KDM2B: variants seen among roughly 807,000 people sequenced by gnomAD.
The protein encoded by KDM2B is lysine demethylase 2B.
A neutral mutation model predicts 150.0 loss-of-function variants in KDM2B; 26 were observed. The ratio of observed to expected loss-of-function variants is 0.17; its 90% CI spans 0.13 to 0.24. The LOEUF (loss-of-function observed/expected upper bound fraction) is 0.24. Ranked by LOEUF, KDM2B falls within the 10% of genes least tolerant of loss-of-function variation. KDM2B has a pLI of 1.00. For missense variants in KDM2B, 1,265 were observed against 1,816.9 expected (o/e 0.70, Z 5.52); for synonymous variants, 734 against 729.5 (o/e 1.01, Z -0.10).
rs200642027 is a variant in KDM2B at position 121,439,935 on chromosome 12, C to T, written c.3751G>A (p.Val1251Ile). Reference sequence around the variant, plus strand: ...AGCAGGTTGATAGACTGGTCGGTGACGTGGTTACAGTAACTGAGGTGGAGC... The same window carrying T: ...AGCAGGTTGATAGACTGGTCGGTGATGTGGTTACAGTAACTGAGGTGGAGC... ...SKLHLSYCNH[V>I]TDQSINLLTA... Residue 1251 changes from valine (V) to isoleucine (I), a missense_variant, in exon 22 of 23, where the codon GTC becomes ATC. Val to Ile is a conservative substitution (Grantham distance 29). Coordinates refer to ENST00000377071, the MANE Select transcript of KDM2B (RefSeq NM_032590.5). The T allele has an allele frequency of 4.6e-4, 740 of 1,614,042 alleles. No individual in the cohort carries two copies. Among genetic ancestry groups the T allele is most frequent in the Non-Finnish European group, 5.4e-4 (639 of 1,180,028 alleles).
chr12:121,579,742 C>A (rs1465514884), intron 1 of KDM2B: 2 of 1,312,822 alleles, frequency 1.5e-6, no homozygotes, highest in East Asian at 4.0e-5. Flanking sequence ...CCCCCAGATT[C>A]CGGGCGAACC....
chr12:121,547,339 G>A (rs545673053), intron 6 of KDM2B, among the ~76,000 whole-genome samples: 17 of 152,314 alleles, frequency 1.1e-4, no homozygotes, highest in Non-Finnish European at 2.1e-4. Flanking sequence ...GCTTGAAGGG[G>A]AGGAAAACCG....
chr12:121,477,150 T>C (rs1374616912), intron 12 of KDM2B, among the ~76,000 whole-genome samples: 1 of 151,724 alleles, frequency 6.6e-6, no homozygotes, highest in African/African-American at 2.4e-5. Flanking sequence ...GATAGCTGAC[T>C]GCAGATTCTA....
intron 4 of KDM2B, among the ~76,000 whole-genome samples, chr12:121,560,540 T>C (rs1432535705): frequency 1.3e-5 from 2 of 151,866 alleles, no homozygotes; most frequent in Non-Finnish European, 2.9e-5. Context: ...ATTCACTGGG[T>C]TGGGGCATTT....
At chr12:121,426,317 T>C (rs1335779109), downstream of KDM2B, among the ~76,000 whole-genome samples, 1 of 152,132 alleles carries the variant, frequency 6.6e-6, no homozygotes, top group Non-Finnish European at 1.5e-5. Flanking sequence ...AGCCAGATAA[T>C]AGAAATGTCA....
chr12:121,419,252 C>T, the KDM2B span, among the ~76,000 whole-genome samples: 118 of 152,296 alleles, frequency 7.7e-4, no homozygotes, highest in African/African-American at 2.6e-3. Context: ...ACGTGATGTA[C>T]GGCTTCGTAG....
At chr12:121,486,302 T>C (rs1555298911) in intron 12 of KDM2B, among the ~76,000 whole-genome samples, 1 of 148,516 alleles carries the variant, frequency 6.7e-6, no homozygotes, top group African/African-American at 2.5e-5. Flanking sequence ...AGACAGGGTT[T>C]CACCTTGTTG....
chr12:121,416,433 AG>A, the KDM2B span: 1 of 1,202,186 alleles, frequency 8.3e-7, no homozygotes, highest in Non-Finnish European at 1.2e-6. Context: ...TCTTGATTGT[AG>A]GTTATTTTGA....
intron 9 of KDM2B, among the ~76,000 whole-genome samples, chr12:121,517,911 G>A (rs115771628): frequency 0.027 from 4,028 of 151,250 alleles, 166 homozygotes; most frequent in African/African-American, 0.094. Context: ...TTGAGGGGGG[G>A]GATGGAGTTT....
At chr12:121,528,638 G>C in intron 8 of KDM2B, among the ~76,000 whole-genome samples, 1 of 152,114 alleles carries the variant, frequency 6.6e-6, no homozygotes, top group Non-Finnish European at 1.5e-5. Flanking sequence ...AATTCTATCA[G>C]ACATTCAAAG....
intron 11 of KDM2B, among the ~76,000 whole-genome samples, chr12:121,507,801 A>C (rs1885222902): frequency 6.6e-6 from 1 of 151,684 alleles, no homozygotes; most frequent in Non-Finnish European, 1.5e-5. Flanking sequence ...GCTTGAGCTC[A>C]GTAGTTTGAG....
At position 121,520,186 on chromosome 12, in the gene KDM2B, C is replaced by G. The variant is rs1332635536; in HGVS notation, c.1047+799G>C. ...GATTACAGGCAAGAGCCACCGCGCC[C>G]GGCCCCAAGTCTTCAGTTTTGACCC... On this transcript the variant is annotated intron_variant, in intron 9 of 22. Transcript: ENST00000377071. The surrounding 1 kb of genome is among the most constrained non-coding windows in gnomAD (Gnocchi z 4.5). 3.9e-5 allele frequency among the ~76,000 whole-genome samples: 6 copies of G among 152,130 alleles called. No individual in the cohort carries two copies. Among genetic ancestry groups the G allele is most frequent in the Non-Finnish European group, 8.8e-5 (6 of 68,024 alleles).
At chr12:121,508,580 A>G (rs1374520044) in intron 11 of KDM2B, among the ~76,000 whole-genome samples, 1 of 152,206 alleles carries the variant, frequency 6.6e-6, no homozygotes, top group African/African-American at 2.4e-5. Context: ...GGACACCCAG[A>G]CGCCTCGGAG....
the KDM2B span, among the ~76,000 whole-genome samples, chr12:121,415,693 GACTGTAGA>G: frequency 6.6e-6 from 1 of 152,024 alleles, no homozygotes; most frequent in South Asian, 2.1e-4. Flanking sequence ...ATCTGCCTTA[GACTGTAGA>G]ACTGTGGTGC....
chr12:121,564,453 G>A (rs1032652310), intron 4 of KDM2B, among the ~76,000 whole-genome samples: 13 of 151,876 alleles, frequency 8.6e-5, no homozygotes, highest in African/African-American at 1.5e-4. Flanking sequence ...GCGAGAATCC[G>A]TCTCAACAAA....
chr12:121,544,525 G>T (rs1161131025), intron 6 of KDM2B, among the ~76,000 whole-genome samples: 5 of 151,886 alleles, frequency 3.3e-5, no homozygotes, highest in African/African-American at 1.2e-4. Context: ...CAGGAGAATC[G>T]CTTGATCCCG....
At chr12:121,551,181 G>A (rs1889460253) in intron 4 of KDM2B, among the ~76,000 whole-genome samples, 1 of 151,990 alleles carries the variant, frequency 6.6e-6, no homozygotes, top group Middle Eastern at 3.2e-3. Context: ...ACAGGCCCGT[G>A]GTCAATATTT....
upstream of KDM2B, chr12:121,581,105 T>TAGTAAAGGAGTCCACAGAGG: frequency 1.5e-6 from 1 of 653,082 alleles, no homozygotes; most frequent in Non-Finnish European, 2.4e-6. Flanking sequence ...TCTGCCCGCC[T>TAGTAAAGGAGTCCACAGAGG]CTGTGGACTC....
Position 121,541,991 on chromosome 12 carries a change from C to T in KDM2B, c.683+6886G>A, listed in dbSNP as rs148396244. ...ACAAATGCTTTGATACACCTCCCTT[C>T]GAGAGGCAGAGCTAAATTCTCCTCC... On this transcript the variant is annotated intron_variant, in intron 6 of 22. Coordinates refer to ENST00000377071, the MANE Select transcript of KDM2B (RefSeq NM_032590.5). Among the ~76,000 whole-genome samples the T allele has an allele frequency of 8.0e-3, 1,219 of 152,260 alleles. 11 individuals carry two copies. The highest frequency in any genetic ancestry group is 0.028 in the African/African-American group (1,169 of 41,538).
Sources: allele counts gnomAD v4.1 joint callset (sites outside exome capture counted in the v4.1 genomes callset), GRCh38; gene constraint gnomAD v4.1.1; non-coding constraint Gnocchi (gnomAD v3.1); transcripts MANE v1.5; gene names NCBI Gene and HGNC (gene_info 2026-07-23, HGNC 2026-07-21).